Variants in GADL1 observed in about 807,000 individuals in gnomAD.
GADL1 encodes the protein acidic amino acid decarboxylase GADL1.
GADL1 carries 71 observed loss-of-function variants against 69.5 expected under a neutral mutation model. The observed-to-expected ratio is 1.02, with a 90% CI of 0.84 to 1.25. The LOEUF is 1.25. Among genes scored for constraint, GADL1 ranks in the 50% most tolerant of loss-of-function variants. GADL1 has a pLI of 0.00. For synonymous variants in GADL1, 254 were observed against 214.4 expected, an observed-to-expected ratio of 1.18 and a Z score of -1.62; for missense variants, 737 against 631.8, an observed-to-expected ratio of 1.17 and a Z score of -1.79.
At chr3:30,742,104 A>G (rs746380255) in intron 14 of GADL1, among the ~76,000 whole-genome samples, 7 of 152,254 alleles carry the variant, frequency 4.6e-5, no homozygotes, top group Non-Finnish European at 8.8e-5. Flanking sequence ...TTTGGCCCGG[A>G]CAGTAAATCA....
chr3:30,849,026 T>A (rs1224665234), intron 6 of GADL1, among the ~76,000 whole-genome samples: 1 of 152,134 alleles, frequency 6.6e-6, no homozygotes, highest in Non-Finnish European at 1.5e-5. Context: ...GAAGTAACAA[T>A]GGCCAGTTCT....
intron 1 of GADL1, among the ~76,000 whole-genome samples, chr3:30,874,606 C>A (rs1698551084): frequency 6.6e-6 from 1 of 151,884 alleles, no homozygotes; most frequent in African/African-American, 2.4e-5. Context: ...GCCTGTGTAA[C>A]CCCTTCTAAA....
At chr3:30,869,710 T>C (rs1407365041) in intron 1 of GADL1, among the ~76,000 whole-genome samples, 4 of 151,818 alleles carry the variant, frequency 2.6e-5, no homozygotes, top group African/African-American at 2.4e-5. Context: ...TCTCCTTAGC[T>C]GAAATCCACA....
chr3:30,740,999 TA>T (rs1185695250), intron 14 of GADL1, among the ~76,000 whole-genome samples: 2 of 103,020 alleles, frequency 1.9e-5, no homozygotes, highest in African/African-American at 8.9e-5. Flanking sequence ...TATTATATAT[TA>T]ATATATATTA....
intron 8 of GADL1, among the ~76,000 whole-genome samples, chr3:30,843,068 A>G (rs532541615): frequency 6.6e-6 from 1 of 152,138 alleles, no homozygotes; most frequent in African/African-American, 2.4e-5. Flanking sequence ...ATACACTTGT[A>G]TCCCAGCTCA....
chr3:30,872,866 T>C (rs1289204549), intron 1 of GADL1, among the ~76,000 whole-genome samples: 3 of 151,944 alleles, frequency 2.0e-5, no homozygotes, highest in East Asian at 1.9e-4. Context: ...TTCCAACTGA[T>C]GAAAATTAAA....
At chr3:30,843,233 G>A (rs1697997474) in intron 8 of GADL1, among the ~76,000 whole-genome samples, 1 of 151,376 alleles carries the variant, frequency 6.6e-6, no homozygotes, top group Non-Finnish European at 1.5e-5. Flanking sequence ...AAAGCAAAAT[G>A]GCTGAGACCA....
At chr3:30,742,681 G>C (rs1575180510) in intron 14 of GADL1, among the ~76,000 whole-genome samples, 1 of 151,858 alleles carries the variant, frequency 6.6e-6, no homozygotes, top group African/African-American at 2.4e-5. Flanking sequence ...TTCCTAATTT[G>C]TTACTGAGTT....
rs4016178 is a variant in GADL1 at position 30,871,042 on chromosome 3, A to AGTGTGTGTGTGTGTGT, written c.38-9293_38-9278dup. Among the ~76,000 whole-genome samples the AGTGTGTGTGTGTGTGT allele has an allele frequency of 2.3e-3, 332 of 141,474 alleles. 1 individual carries two copies. Among genetic ancestry groups the AGTGTGTGTGTGTGTGT allele is most frequent in the East Asian group, 6.4e-3 (29 of 4,512 alleles). 92.8% of individuals were successfully genotyped at this position (141,474 alleles called of 152,430 possible). ...AAAGCAACATGGACTAAGGCAGAAA[A>AGTGTGTGTGTGTGTGT]GTGTGTGTGTGTGTGTGTGTGTGTG... On this transcript the variant is annotated intron_variant, in intron 1 of 14. Coordinates refer to ENST00000282538, the MANE Select transcript of GADL1 (RefSeq NM_207359.3).
At chr3:30,859,617 CAT>C (rs1698284927) in intron 2 of GADL1, among the ~76,000 whole-genome samples, 1 of 151,850 alleles carries the variant, frequency 6.6e-6, no homozygotes, top group African/African-American at 2.4e-5. Flanking sequence ...TTCTGAAACT[CAT>C]AGAACCACAC....
intron 6 of GADL1, among the ~76,000 whole-genome samples, chr3:30,847,545 G>A (rs1012427882): frequency 1.3e-5 from 2 of 152,150 alleles, no homozygotes; most frequent in African/African-American, 4.8e-5. Flanking sequence ...AGTAGTAAAG[G>A]CAGTCAATAA....
chr3:30,740,652 C>A (rs1157354569), intron 14 of GADL1, among the ~76,000 whole-genome samples: 1 of 151,998 alleles, frequency 6.6e-6, no homozygotes, highest in African/African-American at 2.4e-5. Flanking sequence ...CTCCTACTTT[C>A]TTACTCTCCC....
At chr3:30,888,274 G>A (rs576741827) in intron 1 of GADL1, among the ~76,000 whole-genome samples, 1 of 152,176 alleles carries the variant, frequency 6.6e-6, no homozygotes, top group African/African-American at 2.4e-5. Context: ...GCACATAGAA[G>A]AGCCTTCTTA....
At chr3:30,800,548 T>G in intron 12 of GADL1, 1 of 237,028 alleles carries the variant, frequency 4.2e-6, no homozygotes, top group Non-Finnish European at 8.2e-6. Context: ...CCAGTGTGCC[T>G]CAAGAACACA....
At position 30,850,920 on chromosome 3, in the gene GADL1, T is replaced by A; in HGVS notation, c.450A>T (p.Pro150=). ...NPSVYTYEVS[P]VFLLVEEAVL... is the part of the protein sequence containing the mutation. ...CCGCTTCTTCCACTAACAGAAACACTGGGGACACCTCATACGTATAACTAG... is the reference window on the plus strand; with the variant it reads ...CCGCTTCTTCCACTAACAGAAACACAGGGGACACCTCATACGTATAACTAG... The change falls in exon 5 of 15, where the codon CCA becomes CCT. Residue 150 remains proline (P), a synonymous_variant. Transcript: ENST00000282538. The A allele has an allele frequency of 6.5e-7, 1 of 1,544,872 alleles. No homozygotes were observed. The highest frequency in any genetic ancestry group is 8.8e-7 in the Non-Finnish European group (1 of 1,140,916).
chr3:30,819,269 G>GT (rs1697528636), intron 11 of GADL1, among the ~76,000 whole-genome samples: 1 of 151,936 alleles, frequency 6.6e-6, no homozygotes, highest in African/African-American at 2.4e-5. Context: ...TCTGAGGCCT[G>GT]TTTATCTACT....
intron 14 of GADL1, among the ~76,000 whole-genome samples, chr3:30,733,869 G>A (rs138980798): frequency 1.3e-3 from 202 of 152,254 alleles, no homozygotes; most frequent in African/African-American, 4.7e-3. Flanking sequence ...AGACAATTCA[G>A]ACTTTGATGG....
chr3:30,763,136 T>C (rs1023773685), intron 14 of GADL1, among the ~76,000 whole-genome samples: 4 of 152,142 alleles, frequency 2.6e-5, no homozygotes, highest in Non-Finnish European at 5.9e-5. Context: ...TAGAACTCTG[T>C]ATGTGTATTT....
At position 30,816,530 on chromosome 3, in the gene GADL1, C is replaced by CTT. The variant is rs773530741; in HGVS notation, c.1051-15444_1051-15443dup. 6.9e-3 allele frequency among the ~76,000 whole-genome samples: 370 copies of CTT among 53,970 alleles called. 112 individuals are homozygous for CTT. The highest frequency in any genetic ancestry group is 0.012 in the Middle Eastern group (1 of 84). 35.4% of individuals were successfully genotyped at this position (53,970 alleles called of 152,430 possible). A position where few individuals can be genotyped will look rare whatever the true frequency, so the allele number is the denominator to read the frequency against. Reference sequence around the variant, plus strand: ...AGACCATATATTCTTAATTTGTTTTCTTTTTTTTTTTTTTTTTTTTTTTTT... The same window carrying CTT: ...AGACCATATATTCTTAATTTGTTTTCTTTTTTTTTTTTTTTTTTTTTTTTTTT... On this transcript the variant is annotated intron_variant, in intron 11 of 14. Coordinates refer to ENST00000282538, the MANE Select transcript of GADL1 (RefSeq NM_207359.3).
Sources: allele counts gnomAD v4.1 joint callset (sites outside exome capture counted in the v4.1 genomes callset), GRCh38; gene constraint gnomAD v4.1.1; transcripts MANE v1.5; gene names NCBI Gene and HGNC (gene_info 2026-07-23, HGNC 2026-07-21).